ZBTB11: variants seen among roughly 807,000 people sequenced by gnomAD.
The protein encoded by ZBTB11 is zinc finger and BTB domain containing 11.
In ZBTB11, 68 loss-of-function variants were observed where a neutral mutation model predicts 113.1. That is an observed-to-expected ratio of 0.60 (90% CI 0.49 to 0.74). The LOEUF (loss-of-function observed/expected upper bound fraction) is 0.74. ZBTB11 is among the 30% of genes least tolerant of loss of function. The pLI, the probability that ZBTB11 is intolerant of heterozygous loss-of-function variation, is 0.00. For missense variants in ZBTB11, 1,104 were observed against 1,279.4 expected (o/e 0.86, Z 2.09); for synonymous variants, 518 against 452.6 (o/e 1.14, Z -1.83).
intron 1 of ZBTB11, among the ~76,000 whole-genome samples, chr3:101,675,888 T>TG (rs749306853): frequency 7.9e-5 from 12 of 152,138 alleles, no homozygotes; most frequent in Non-Finnish European, 1.3e-4. Flanking sequence ...TGAGGCCAGA[T>TG]GGAGACCAGC....
At chr3:101,671,671 G>A in intron 2 of ZBTB11, 1 of 574,750 alleles carries the variant, frequency 1.7e-6, no homozygotes, top group Admixed American at 3.4e-5. Flanking sequence ...ATTTTACCTT[G>A]GGGCGTAAAC....
chr3:101,653,761 A>C (rs924560989), intron 8 of ZBTB11, among the ~76,000 whole-genome samples: 1 of 152,222 alleles, frequency 6.6e-6, no homozygotes, highest in African/African-American at 2.4e-5. Context: ...GAACTCTAAA[A>C]ACTAATGAAA....
At chr3:101,676,515 C>CCGACT in intron 1 of ZBTB11, 90 bp downstream of exon 1, 1 of 1,338,714 alleles carries the variant, frequency 7.5e-7, no homozygotes, top group East Asian at 2.9e-5. Flanking sequence ...CCGAGACCCT[C>CCGACT]CGACTCGTGG....
chr3:101,667,265 C>T (rs898619487), intron 3 of ZBTB11, among the ~76,000 whole-genome samples: 2 of 152,136 alleles, frequency 1.3e-5, no homozygotes, highest in Admixed American at 1.3e-4. Context: ...ATCTTGACCT[C>T]CTGGCCTGAA....
At position 101,651,080 on chromosome 3, in the gene ZBTB11, GCAGA is replaced by G. The variant is rs536211981; in HGVS notation, c.*82_*85del. 1.9e-3 allele frequency: 2,754 copies of G among 1,440,282 alleles called. 35 individuals are homozygous for G. In the African/African-American group the frequency reaches 0.032, roughly 17 times the overall value. The allele number at this position is 1,440,282 out of a possible 1,614,324, so 89.2% of individuals were successfully genotyped here. On this transcript the variant is annotated 3_prime_UTR_variant, in exon 11 of 11. Transcript: ENST00000312938. ...CAGAACTTTGATATGTAAACTCCAA[GCAGA>G]CAGTCACACAGAATTGTAAACAAAT...
chr3:101,667,047 GCTTT>G lies in ZBTB11; in HGVS notation c.779-1243_779-1240del, dbSNP rs1219737391. ...TTACAGGCGTGAGCCACCGCACTCGGCTTTCTTTTTTATTTAGGTACTTTGAGAC... is the reference window on the plus strand; with the variant it reads ...TTACAGGCGTGAGCCACCGCACTCGGCTTTTTTATTTAGGTACTTTGAGAC... On this transcript the variant is annotated intron_variant, in intron 3 of 10. Transcript: ENST00000312938. Among the ~76,000 whole-genome samples, 6 of 152,250 alleles carry G rather than the reference GCTTT, an allele frequency of 3.9e-5. No homozygotes were observed. The East Asian group carries it at 9.7e-4, about 25-fold the overall frequency.
rs1429087362 is a variant in ZBTB11 at position 101,665,526 on chromosome 3, A to T, written c.1061T>A (p.Leu354Ter). ...TTCACAATCCCCAAGTTCAGTAGGT[A>T]AACTTGTTGTGGTTCCCTCACTGCT... Reference protein sequence around the residue: ...VASSEGTTTSLPTELGDCEIV... With the variant: ...VASSEGTTTS Residue 354 changes from leucine (L) to a stop codon, truncating the protein, a stop_gained, in exon 4 of 11, where the codon TTA becomes TAA. Transcript: ENST00000312938. LOFTEE classifies it high-confidence loss of function. The T allele has an allele frequency of 6.2e-7, 1 of 1,614,182 alleles. No homozygotes were observed. The highest frequency in any genetic ancestry group is 1.3e-5 in the African/African-American group (1 of 75,048).
At chr3:101,660,065 C>T in intron 5 of ZBTB11, 37 bp from the exon 6 acceptor site, 1 of 1,587,294 alleles carries the variant, frequency 6.3e-7, no homozygotes. Flanking sequence ...AATGTATTTC[C>T]ATTACAAAAT....
At chr3:101,676,442 G>A (rs887866284) in intron 1 of ZBTB11, 163 bp downstream of exon 1, 1 of 697,938 alleles carries the variant, frequency 1.4e-6, no homozygotes, top group Non-Finnish European at 2.1e-6. Context: ...GGGAAGTGCG[G>A]CTCCTTTCGC....
At position 101,656,189 on chromosome 3, in the gene ZBTB11, T is replaced by C. The variant is rs772819657; in HGVS notation, c.2106A>G (p.Gln702=). 28 of 1,602,644 alleles carry C rather than the reference T, an allele frequency of 1.7e-5. No individual in the cohort carries two copies. Among genetic ancestry groups the C allele is most frequent in the Admixed American group, 8.6e-5 (5 of 58,160 alleles). The stretch of plus-strand genomic sequence containing the variant: ...GTTCACACTGGAACTGCTTCTGTGA[T>C]TGATGAAGACTCTGATGTAATTTTA... ...HGLKLHQSLH[Q]SQKQFQCELC... The change falls in exon 7 of 11, where the codon CAA becomes CAG. Residue 702 remains glutamine (Q), a synonymous_variant. Transcript: ENST00000312938.
chr3:101,666,317 T>C (rs1270391881), intron 3 of ZBTB11, among the ~76,000 whole-genome samples: 2 of 152,232 alleles, frequency 1.3e-5, no homozygotes, highest in Non-Finnish European at 2.9e-5. Context: ...GCAACATTTT[T>C]CTGTTAAGAG....
chr3:101,675,813 A>G (rs1476331699), intron 1 of ZBTB11, among the ~76,000 whole-genome samples: 1 of 152,216 alleles, frequency 6.6e-6, no homozygotes, highest in Non-Finnish European at 1.5e-5. Context: ...ACGAATATCA[A>G]GCTGGGCGCC....
chr3:101,656,000 A>G (rs547675816), intron 7 of ZBTB11, 104 bp downstream of exon 7: 94 of 976,188 alleles, frequency 9.6e-5, no homozygotes, highest in Non-Finnish European at 1.3e-4. Flanking sequence ...TACAAAATTG[A>G]GCACACACGA....
chr3:101,676,104 T>A (rs1277986425), intron 1 of ZBTB11, among the ~76,000 whole-genome samples: 1 of 152,246 alleles, frequency 6.6e-6, no homozygotes, highest in Admixed American at 6.5e-5. Flanking sequence ...TGAGGAACAC[T>A]AGCGAATGTG....
At chr3:101,656,060 A>G (rs767100056) in intron 7 of ZBTB11, 44 bp downstream of exon 7, 3 of 1,359,288 alleles carry the variant, frequency 2.2e-6, no homozygotes, top group East Asian at 5.5e-5. Flanking sequence ...ATAATCATTA[A>G]TAGTTTATGA....
intron 5 of ZBTB11, among the ~76,000 whole-genome samples, chr3:101,660,820 T>C (rs1936874706): frequency 6.6e-6 from 1 of 152,226 alleles, no homozygotes; most frequent in South Asian, 2.1e-4. Context: ...TGTAATTCTT[T>C]TTCCTTTCTT....
intron 6 of ZBTB11, among the ~76,000 whole-genome samples, chr3:101,657,488 C>CA (rs1936819337): frequency 6.8e-6 from 1 of 148,124 alleles, no homozygotes; most frequent in Admixed American, 6.8e-5. Flanking sequence ...CCTGCGGAAA[C>CA]AGAGTGAGAC....
At position 101,659,681 on chromosome 3, in the gene ZBTB11, C is replaced by T. The variant is rs1348365510; in HGVS notation, c.2046+102G>A. 5 of 1,414,512 alleles carry T rather than the reference C, an allele frequency of 3.5e-6. No individual in the cohort carries two copies. In the African/African-American group the frequency reaches 7.2e-5, roughly 20 times the overall value. The allele number at this position is 1,414,512 out of a possible 1,614,324, so 87.6% of individuals were successfully genotyped here. Reference sequence around the variant, plus strand: ...AGTCATAAATTTACCTGACATTTTACAAATGAGAGTGACTTGAGAATACAT... The same window carrying T: ...AGTCATAAATTTACCTGACATTTTATAAATGAGAGTGACTTGAGAATACAT... On this transcript the variant is annotated intron_variant, in intron 6 of 10. Transcript: ENST00000312938.
intron 7 of ZBTB11, 104 bp from the exon 8 acceptor site, chr3:101,654,925 T>C (rs2108316126): frequency 2.5e-6 from 2 of 793,632 alleles, no homozygotes; most frequent in East Asian, 2.5e-5. Context: ...CCAGGTTGGA[T>C]GGAGTGCAGT....
Sources: gnomAD v4.1 joint callset for allele counts (sites outside exome capture counted in the v4.1 genomes callset) on GRCh38, gnomAD v4.1.1 for gene constraint, MANE v1.5 for transcripts, NCBI Gene and HGNC (gene_info 2026-07-23, HGNC 2026-07-21) for gene names.